Variants in PAK5 observed in about 807,000 individuals in gnomAD.
The protein encoded by PAK5 is p21 (RAC1) activated kinase 5, also known as serine/threonine-protein kinase PAK 5.
PAK5 carries 16 observed loss-of-function variants against 65.9 expected under a neutral mutation model. The ratio of observed to expected loss-of-function variants is 0.24; its 90% CI spans 0.16 to 0.37. PAK5 has a LOEUF of 0.37. Among genes scored for constraint, PAK5 ranks in the 10% least tolerant of loss-of-function variants. The pLI, the probability that PAK5 is intolerant of heterozygous loss-of-function variation, is 1.00. For synonymous variants in PAK5, 371 were observed against 354.9 expected (o/e 1.05, Z -0.51); for missense variants, 785 against 903.9 (o/e 0.87, Z 1.69).
chr20:9,730,980 T>G (rs1002594446), intron 1 of PAK5, among the ~76,000 whole-genome samples: 1 of 152,224 alleles, frequency 6.6e-6, no homozygotes, highest in African/African-American at 2.4e-5. Context: ...TGAGGTCCAG[T>G]GAACACTGAC....
At position 9,605,449 on chromosome 20, in the gene PAK5, A is replaced by C. The variant is rs138553740; in HGVS notation, c.205-24519T>G. Among the ~76,000 whole-genome samples the C allele has an allele frequency of 2.9e-3, 444 of 152,330 alleles. 4 individuals are homozygous for C. Among genetic ancestry groups the C allele is most frequent in the African/African-American group, 0.01 (431 of 41,564 alleles). Reference sequence around the variant, plus strand: ...GGTTTGAATATCTGCTCTGTCACCTAACTATAAGGTCTTATGCGAACTATG... The same window carrying C: ...GGTTTGAATATCTGCTCTGTCACCTCACTATAAGGTCTTATGCGAACTATG... On this transcript the variant is annotated intron_variant, in intron 3 of 9. Coordinates refer to ENST00000353224, the MANE Select transcript of PAK5 (RefSeq NM_177990.4).
intron 6 of PAK5, among the ~76,000 whole-genome samples, chr20:9,562,678 T>C (rs1168392099): frequency 1.3e-5 from 2 of 152,190 alleles, no homozygotes; most frequent in Non-Finnish European, 2.9e-5. Context: ...TGGGTATTAA[T>C]GTCCTTCTGA....
chr20:9,700,565 AG>A (rs1027105459), intron 2 of PAK5, among the ~76,000 whole-genome samples: 17 of 152,186 alleles, frequency 1.1e-4, no homozygotes, highest in African/African-American at 3.9e-4. Context: ...GTATACACTT[AG>A]GGGGGCTATT....
intron 1 of PAK5, among the ~76,000 whole-genome samples, chr20:9,734,625 A>G (rs1447319783): frequency 6.6e-6 from 1 of 151,946 alleles, no homozygotes; most frequent in Non-Finnish European, 1.5e-5. Context: ...GGACCTGCTA[A>G]TAATTCACAC....
chr20:9,739,575 T>C (rs2048428701), intron 1 of PAK5, among the ~76,000 whole-genome samples: 1 of 152,192 alleles, frequency 6.6e-6, no homozygotes, highest in South Asian at 2.1e-4. Flanking sequence ...TTTCTTTTGA[T>C]TTTTAAATAG....
chr20:9,553,886 C>A (rs555622530), intron 7 of PAK5, among the ~76,000 whole-genome samples: 1 of 151,892 alleles, frequency 6.6e-6, no homozygotes, highest in Non-Finnish European at 1.5e-5. Context: ...AAGTGATGGT[C>A]GTATGGTAAG....
In PAK5 at chr20:9,642,004, C is replaced by T. The variant is rs368912943; in HGVS notation, c.204+2121G>A. ...CCTCCCTGCAAGCTGAGGGAGTGGG[C>T]TCCAGCCTTGGCCAGCCCAGAAAGG... On this transcript the variant is annotated intron_variant, in intron 3 of 9. Transcript: ENST00000353224. 4.5e-3 allele frequency among the ~76,000 whole-genome samples: 688 copies of T among 152,306 alleles called. 2 individuals are homozygous for T. Among genetic ancestry groups the T allele is most frequent in the African/African-American group, 0.016 (646 of 41,578 alleles).
At chr20:9,594,496 A>G (rs1019658192) in intron 3 of PAK5, among the ~76,000 whole-genome samples, 1 of 152,214 alleles carries the variant, frequency 6.6e-6, no homozygotes, top group African/African-American at 2.4e-5. Flanking sequence ...ACTGACATTG[A>G]AAAGGATGCT....
chr20:9,583,839 G>A (rs191532192), intron 3 of PAK5, among the ~76,000 whole-genome samples: 71 of 152,194 alleles, frequency 4.7e-4, no homozygotes, highest in African/African-American at 1.6e-3. Context: ...TTATTGTTTT[G>A]TCTATTCCAG....
chr20:9,829,296 TTGATTAATCTAG>T (rs1394186821), intron 1 of PAK5, among the ~76,000 whole-genome samples: 1 of 152,158 alleles, frequency 6.6e-6, no homozygotes, highest in Non-Finnish European at 1.5e-5. Context: ...TCAAAGTGGG[TTGATTAATCTAG>T]TGACTTTTAA....
intron 1 of PAK5, among the ~76,000 whole-genome samples, chr20:9,792,215 T>C (rs1440554191): frequency 1.3e-5 from 2 of 152,128 alleles, no homozygotes; most frequent in East Asian, 1.9e-4. Context: ...GGGAAATCAA[T>C]GAAGATGTGT....
intron 3 of PAK5, among the ~76,000 whole-genome samples, chr20:9,627,293 TC>T (rs1174786308): frequency 6.6e-6 from 1 of 152,228 alleles, no homozygotes; most frequent in African/African-American, 2.4e-5. Flanking sequence ...TAAAAAGTGC[TC>T]CTTTTCCCCA....
At chr20:9,778,239 A>ATGT (rs1176072576) in intron 1 of PAK5, among the ~76,000 whole-genome samples, 2 of 151,944 alleles carry the variant, frequency 1.3e-5, no homozygotes, top group Non-Finnish European at 2.9e-5. Context: ...AGAGGTTTTT[A>ATGT]TGTTGTTGTT....
chr20:9,749,625 T>C (rs1308106947), intron 1 of PAK5, among the ~76,000 whole-genome samples: 1 of 152,224 alleles, frequency 6.6e-6, no homozygotes, highest in Non-Finnish European at 1.5e-5. Context: ...TAGATTGATG[T>C]AATCACATGT....
At chr20:9,787,880 T>C (rs192485091) in intron 1 of PAK5, among the ~76,000 whole-genome samples, 1 of 152,226 alleles carries the variant, frequency 6.6e-6, no homozygotes, top group African/African-American at 2.4e-5. Flanking sequence ...TGAGTGTTTA[T>C]TTCTTTGTTT....
intron 1 of PAK5, among the ~76,000 whole-genome samples, chr20:9,770,784 A>G (rs1052760697): frequency 2.0e-5 from 3 of 152,164 alleles, no homozygotes; most frequent in African/African-American, 7.2e-5. Flanking sequence ...GGGTTGAAGA[A>G]TCGTTGGAGT....
rs1298897332 is a variant in PAK5, at chr20:9,670,016, G to A, written c.-11-25677C>T. Among the ~76,000 whole-genome samples, 5 of 152,020 alleles carry A rather than the reference G, an allele frequency of 3.3e-5. No individual in the cohort carries two copies. In the South Asian group the frequency reaches 6.2e-4, roughly 19 times the overall value. On this transcript the variant is annotated intron_variant, in intron 2 of 9. Transcript: ENST00000353224. ...AATTCCCACCTATGAGTGAGAACAT[G>A]CGGTGTGTGGTTTTTTGTCCTTGAG...
intron 3 of PAK5, among the ~76,000 whole-genome samples, chr20:9,596,982 T>C (rs954704242): frequency 4.6e-5 from 7 of 152,224 alleles, no homozygotes; most frequent in East Asian, 1.9e-4. Flanking sequence ...CTGCAGAGCA[T>C]GCTCTTAGTT....
chr20:9,824,908 A>G (rs549889616), intron 1 of PAK5, among the ~76,000 whole-genome samples: 82 of 152,316 alleles, frequency 5.4e-4, no homozygotes, highest in Non-Finnish European at 9.6e-4. Flanking sequence ...TGCCACCTGA[A>G]GTAAGCAGAA....
Sources: allele counts gnomAD v4.1 joint callset (sites outside exome capture counted in the v4.1 genomes callset), GRCh38; gene constraint gnomAD v4.1.1; transcripts MANE v1.5; gene names NCBI Gene and HGNC (gene_info 2026-07-23, HGNC 2026-07-21).